TENM2: variants seen among roughly 807,000 people sequenced by gnomAD.
The protein encoded by TENM2 is teneurin-2.
A neutral mutation model predicts 245.2 loss-of-function variants in TENM2; 52 were observed. That is an observed-to-expected ratio of 0.21 (90% CI 0.17 to 0.27). The LOEUF is 0.27. Among genes scored for constraint, TENM2 ranks in the 10% least tolerant of loss-of-function variants. TENM2 has a pLI of 1.00. For synonymous variants in TENM2, 1,363 were observed against 1,438.9 expected (o/e 0.95, Z 1.19); for missense variants, 3,046 against 3,666.8 (o/e 0.83, Z 4.37).
At chr5:167,191,201 CAT>C in the TENM2 span, among the ~76,000 whole-genome samples, 3 of 151,962 alleles carry the variant, frequency 2.0e-5, no homozygotes, top group African/African-American at 7.2e-5. Flanking sequence ...TAATCACACA[CAT>C]ATATATACAC....
intron 2 of TENM2, among the ~76,000 whole-genome samples, chr5:167,645,212 G>A (rs1779851251): frequency 6.6e-6 from 1 of 152,156 alleles, no homozygotes; most frequent in African/African-American, 2.4e-5. Flanking sequence ...TTAATCTAAA[G>A]GATGAGAAGT....
At chr5:168,258,393 C>T (rs569719979) in intron 27 of TENM2, among the ~76,000 whole-genome samples, 26 of 151,988 alleles carry the variant, frequency 1.7e-4, no homozygotes, top group Admixed American at 2.6e-4. Context: ...CCCAGCTACT[C>T]GGGAGGCTGA....
intron 6 of TENM2, among the ~76,000 whole-genome samples, chr5:168,055,334 A>G (rs1284274034): frequency 6.6e-6 from 1 of 152,212 alleles, no homozygotes; most frequent in East Asian, 1.9e-4. Context: ...TGCTTAGGAC[A>G]TTTCTTAATC....
chr5:167,888,500 C>A (rs533269848), intron 3 of TENM2, among the ~76,000 whole-genome samples: 2 of 152,250 alleles, frequency 1.3e-5, no homozygotes, highest in East Asian at 3.9e-4. Context: ...GAGGCAGACC[C>A]TTTCTCACAT....
rs746392718 is a variant in TENM2 at position 167,952,575 on chromosome 5, CT to C, written c.713-4del. On this transcript the variant is annotated splice_polypyrimidine_tract_variant and intron_variant, in intron 3 of 28. Transcript: ENST00000518659. ...TTGCAGACGCTAACAGTCATTTCTCCTTTTTTTTTCAGGCCCTCCGAACCAC... is the reference window on the plus strand; with the variant it reads ...TTGCAGACGCTAACAGTCATTTCTCCTTTTTTTTCAGGCCCTCCGAACCAC... The C allele has an allele frequency of 6.7e-5, 104 of 1,554,516 alleles. No homozygotes were observed. The highest frequency in any genetic ancestry group is 1.4e-4 in the East Asian group (6 of 43,008).
At chr5:168,246,493 A>G (rs565948274) in intron 26 of TENM2, among the ~76,000 whole-genome samples, 2 of 152,176 alleles carry the variant, frequency 1.3e-5, no homozygotes, top group African/African-American at 2.4e-5. Context: ...CCCACCCCAG[A>G]TCTACCAAAT....
chr5:167,698,417 C>T (rs1757911557), intron 2 of TENM2, among the ~76,000 whole-genome samples: 1 of 152,188 alleles, frequency 6.6e-6, no homozygotes, highest in Admixed American at 6.5e-5. Flanking sequence ...TCAGGCTCCA[C>T]ACTGTTCCCT....
At chr5:168,169,958 A>G (rs773850100) in intron 13 of TENM2, among the ~76,000 whole-genome samples, 1 of 152,252 alleles carries the variant, frequency 6.6e-6, no homozygotes, top group Non-Finnish European at 1.5e-5. Flanking sequence ...TCTAATGCTT[A>G]GGAGGAAAAC....
chr5:168,216,062 G>T (rs533426763), intron 21 of TENM2, among the ~76,000 whole-genome samples: 2 of 152,370 alleles, frequency 1.3e-5, no homozygotes, highest in Admixed American at 1.3e-4. Context: ...ACATTAAGGA[G>T]CAGTCATCTG....
At chr5:168,204,651 G>T in intron 19 of TENM2, 30 bp downstream of exon 21, 1 of 1,608,738 alleles carries the variant, frequency 6.2e-7, no homozygotes, top group Non-Finnish European at 8.5e-7. Context: ...ACCTTCTTTT[G>T]CTCTCTTGCC....
At chr5:167,621,122 G>A (rs560665540) in intron 2 of TENM2, among the ~76,000 whole-genome samples, 1 of 152,102 alleles carries the variant, frequency 6.6e-6, no homozygotes, top group Non-Finnish European at 1.5e-5. Context: ...GATGATGTGG[G>A]CCAGATATTA....
chr5:168,058,561 G>A (rs1446305065), intron 6 of TENM2, among the ~76,000 whole-genome samples: 1 of 152,234 alleles, frequency 6.6e-6, no homozygotes, highest in Non-Finnish European at 1.5e-5. Flanking sequence ...GAACTTTAGT[G>A]TGAAGGTGCA....
chr5:168,137,057 G>A (rs546498503), intron 12 of TENM2, among the ~76,000 whole-genome samples: 3 of 152,236 alleles, frequency 2.0e-5, no homozygotes, highest in African/African-American at 4.8e-5. Context: ...ATGAGACCCA[G>A]CACCATGCAG....
At chr5:168,103,983 G>A (rs565460504) in intron 9 of TENM2, among the ~76,000 whole-genome samples, 1 of 151,630 alleles carries the variant, frequency 6.6e-6, no homozygotes, top group East Asian at 2.0e-4. Flanking sequence ...GGCCATGATC[G>A]GTGTCCTTCT....
chr5:167,884,096 A>C (rs1774093340), intron 3 of TENM2, among the ~76,000 whole-genome samples: 1 of 144,140 alleles, frequency 6.9e-6, no homozygotes, highest in Admixed American at 6.7e-5. Flanking sequence ...GTAAAACAAC[A>C]ATAAGTGTCT....
At chr5:167,464,646 C>T (rs1487451360) in intron 2 of TENM2, among the ~76,000 whole-genome samples, 6 of 152,056 alleles carry the variant, frequency 3.9e-5, no homozygotes, top group East Asian at 1.9e-4. Flanking sequence ...AATGCACTCA[C>T]CTCAGCAAAG....
chr5:168,091,363 G>A (rs1326146614), intron 8 of TENM2, among the ~76,000 whole-genome samples: 4 of 152,132 alleles, frequency 2.6e-5, no homozygotes, highest in African/African-American at 9.7e-5. Flanking sequence ...TTGGCATAGG[G>A]TAGCCCTGCT....
intron 1 of TENM2, among the ~76,000 whole-genome samples, chr5:167,314,555 C>G (rs1188457384): frequency 1.3e-5 from 2 of 152,016 alleles, no homozygotes; most frequent in Non-Finnish European, 2.9e-5. Flanking sequence ...TGTGATTTAA[C>G]ATAGTTAAGA....
At chr5:167,399,806 G>T (rs1273567088) in intron 2 of TENM2, among the ~76,000 whole-genome samples, 1 of 152,142 alleles carries the variant, frequency 6.6e-6, no homozygotes, top group Non-Finnish European at 1.5e-5. Flanking sequence ...TACATAGTAT[G>T]CCATGATTAA....
Sources: allele counts gnomAD v4.1 joint callset (sites outside exome capture counted in the v4.1 genomes callset), GRCh38; gene constraint gnomAD v4.1.1; transcripts MANE v1.5; gene names NCBI Gene and HGNC (gene_info 2026-07-23, HGNC 2026-07-21).